The following ULK4 variants were observed in gnomAD, a reference collection of about 807,000 sequenced individuals.
ULK4 encodes inactive serine/threonine-protein kinase ULK4.
Under a neutral mutation model 160.6 loss-of-function variants are expected in ULK4, and 133 were observed. That is an observed-to-expected ratio of 0.83 (90% confidence interval 0.72 to 0.96). The LOEUF (loss-of-function observed/expected upper bound fraction) is 0.96. ULK4 is among the 40% of genes least tolerant of loss of function. The pLI is 0.00. For missense variants in ULK4, 1,580 were observed against 1,499.5 expected (o/e 1.05, Z -0.89); for synonymous variants, 534 against 539.8 (o/e 0.99, Z 0.15).
chr3:41,693,582 A>G (rs922136142), intron 27 of ULK4, among the ~76,000 whole-genome samples: 1 of 152,208 alleles, frequency 6.6e-6, no homozygotes, highest in Non-Finnish European at 1.5e-5. Context: ...TACATTCAGT[A>G]TAAGAAGGAA....
At chr3:41,471,469 T>G (rs1293571322) in intron 32 of ULK4, among the ~76,000 whole-genome samples, 2 of 152,100 alleles carry the variant, frequency 1.3e-5, no homozygotes, top group African/African-American at 4.8e-5. Flanking sequence ...AAAACACTGG[T>G]CTTGAACAAC....
chr3:41,522,258 T>C (rs752426945), intron 32 of ULK4, among the ~76,000 whole-genome samples: 1 of 151,634 alleles, frequency 6.6e-6, no homozygotes, highest in African/African-American at 2.4e-5. Flanking sequence ...TCCCAACCTG[T>C]AATCTCATGC....
At chr3:41,562,838 T>C (rs570297387) in intron 32 of ULK4, among the ~76,000 whole-genome samples, 4 of 152,352 alleles carry the variant, frequency 2.6e-5, no homozygotes, top group Admixed American at 1.3e-4. Flanking sequence ...TGTCTTTCAA[T>C]TGGGGCATTT....
intron 19 of ULK4, among the ~76,000 whole-genome samples, chr3:41,809,433 G>C (rs1036199032): frequency 4.6e-5 from 7 of 152,084 alleles, no homozygotes; most frequent in Non-Finnish European, 1.0e-4. Flanking sequence ...CCACAAATGT[G>C]AAACAACAAA....
chr3:41,289,032 C>G (rs557210101), intron 35 of ULK4, among the ~76,000 whole-genome samples: 2 of 152,296 alleles, frequency 1.3e-5, no homozygotes, highest in Admixed American at 1.3e-4. Flanking sequence ...TCTGTCAGAG[C>G]GCCACGGGGA....
rs186325189 is a variant in ULK4 at position 41,775,742 on chromosome 3, A to G, written c.2193+13919T>C. 1.7e-4 allele frequency among the ~76,000 whole-genome samples: 25 copies of G among 151,004 alleles called. 1 individual carries two copies. The highest frequency in any genetic ancestry group is 1.0e-3 in the Admixed American group (16 of 15,252). The stretch of plus-strand genomic sequence containing the variant: ...AAACATTGAAACAACATAAATATGG[A>G]AATGAACTACTCACATACGTTATTA... On this transcript the variant is annotated intron_variant, in intron 21 of 36. Coordinates refer to ENST00000301831, the MANE Select transcript of ULK4 (RefSeq NM_017886.4).
At chr3:41,491,225 A>ATTT (rs2084749885) in intron 32 of ULK4, among the ~76,000 whole-genome samples, 1 of 152,194 alleles carries the variant, frequency 6.6e-6, no homozygotes, top group Non-Finnish European at 1.5e-5. Context: ...ATTCTTCCTA[A>ATTT]ATTAATCTAT....
chr3:41,404,226 A>ATTTT (rs60508995), intron 34 of ULK4, among the ~76,000 whole-genome samples: 1 of 131,864 alleles, frequency 7.6e-6, no homozygotes, highest in Admixed American at 7.8e-5. Context: ...TAGCTCTATC[A>ATTTT]TTTTTTTTTT....
chr3:41,761,456 G>C (rs2038983126), intron 21 of ULK4, among the ~76,000 whole-genome samples: 1 of 150,290 alleles, frequency 6.7e-6, no homozygotes, highest in Admixed American at 6.6e-5. Context: ...AATGATTATA[G>C]TAATGAGTGT....
At chr3:41,305,615 A>G (rs2079895091) in intron 35 of ULK4, among the ~76,000 whole-genome samples, 1 of 152,166 alleles carries the variant, frequency 6.6e-6, no homozygotes, top group Non-Finnish European at 1.5e-5. Context: ...CAAAGTGCCG[A>G]GACTGCAGCC....
chr3:41,565,262 C>T (rs992634653), intron 32 of ULK4, among the ~76,000 whole-genome samples: 2 of 152,200 alleles, frequency 1.3e-5, no homozygotes, highest in African/African-American at 4.8e-5. Flanking sequence ...TTTAACAGTA[C>T]AGAAATGCAT....
In ULK4 at chr3:41,446,620, G is replaced by T. The variant is rs564281425; in HGVS notation, c.3492+8877C>A. ...AAACCATCATTCTCAGCAAACTATC[G>T]CAGGGACAAAAAAAACAAACACCGC... is the stretch of plus-strand genomic sequence containing the variant. On this transcript the variant is annotated intron_variant, in intron 34 of 36. Coordinates refer to ENST00000301831, the MANE Select transcript of ULK4 (RefSeq NM_017886.4). Among the ~76,000 whole-genome samples, 8 of 138,010 alleles carry T rather than the reference G, an allele frequency of 5.8e-5. No individual in the cohort carries two copies. The South Asian group carries it at 1.9e-3, about 32-fold the overall frequency. The allele number at this position is 138,010 out of a possible 152,430, so 90.5% of individuals were successfully genotyped here.
intron 31 of ULK4, among the ~76,000 whole-genome samples, chr3:41,594,160 T>C (rs1441260370): frequency 2.0e-5 from 3 of 152,212 alleles, no homozygotes; most frequent in Non-Finnish European, 4.4e-5. Flanking sequence ...TTTCCTGGCA[T>C]AGAACATATA....
chr3:41,375,435 T>C (rs568734371), intron 35 of ULK4, among the ~76,000 whole-genome samples: 7 of 150,020 alleles, frequency 4.7e-5, no homozygotes, highest in Non-Finnish European at 8.8e-5. Context: ...AACAGAGATA[T>C]AGACCAATGG....
At chr3:41,547,308 G>A (rs183211372) in intron 32 of ULK4, among the ~76,000 whole-genome samples, 6 of 152,252 alleles carry the variant, frequency 3.9e-5, no homozygotes, top group African/African-American at 1.4e-4. Flanking sequence ...AAAACAGTAA[G>A]GAGATAATCA....
intron 27 of ULK4, among the ~76,000 whole-genome samples, chr3:41,683,041 T>C (rs1338687396): frequency 6.6e-6 from 1 of 152,118 alleles, no homozygotes; most frequent in Non-Finnish European, 1.5e-5. Flanking sequence ...AGAGTAGGAA[T>C]GAGGCTTGGC....
intron 34 of ULK4, among the ~76,000 whole-genome samples, chr3:41,445,459 C>T (rs2083276003): frequency 6.6e-6 from 1 of 152,170 alleles, no homozygotes; most frequent in Non-Finnish European, 1.5e-5. Context: ...CATCATGCTA[C>T]CTGACTTCAA....
intron 32 of ULK4, among the ~76,000 whole-genome samples, chr3:41,522,594 A>C (rs2085970299): frequency 1.3e-5 from 2 of 152,328 alleles, no homozygotes; most frequent in African/African-American, 4.8e-5. Flanking sequence ...AGGCCATTCT[A>C]TCTCAATGAA....
At chr3:41,663,790 T>A in intron 29 of ULK4, 91 bp from the exon 30 acceptor site, 1 of 1,065,346 alleles carries the variant, frequency 9.4e-7, no homozygotes, top group Non-Finnish European at 1.4e-6. Context: ...CAATTTAGCT[T>A]AAGACAGAAA....
Sources: gnomAD v4.1 joint callset for allele counts (sites outside exome capture counted in the v4.1 genomes callset) on GRCh38, gnomAD v4.1.1 for gene constraint, MANE v1.5 for transcripts, NCBI Gene and HGNC (gene_info 2026-07-23, HGNC 2026-07-21) for gene names.